TTC7B: variants seen among roughly 807,000 people sequenced by gnomAD.
TTC7B encodes tetratricopeptide repeat domain 7B.
Under a neutral mutation model 106.8 loss-of-function variants are expected in TTC7B, and 28 were observed. The observed-to-expected ratio is 0.26, with a 90% confidence interval of 0.19 to 0.36. The LOEUF (loss-of-function observed/expected upper bound fraction) is 0.36. Ranked by LOEUF, TTC7B falls within the 10% of genes least tolerant of loss-of-function variation. TTC7B has a pLI of 1.00. For synonymous variants in TTC7B, 405 were observed against 430.6 expected, an observed-to-expected ratio of 0.94 and a Z score of 0.74; for missense variants, 862 against 1,076.4, an observed-to-expected ratio of 0.80 and a Z score of 2.79.
intron 18 of TTC7B, among the ~76,000 whole-genome samples, chr14:90,584,206 A>C (rs1027333441): frequency 1.3e-5 from 2 of 152,170 alleles, no homozygotes; most frequent in Non-Finnish European, 2.9e-5. Context: ...GTGATCCTAA[A>C]AGGGCAAGCT....
intron 18 of TTC7B, among the ~76,000 whole-genome samples, chr14:90,590,668 C>G (rs1197960825): frequency 6.6e-6 from 1 of 152,186 alleles, no homozygotes; most frequent in Admixed American, 6.5e-5. Flanking sequence ...CAGTGGAGCT[C>G]AAATCACATA....
chr14:90,549,950 A>T (rs1944288014), intron 19 of TTC7B, among the ~76,000 whole-genome samples: 2 of 152,094 alleles, frequency 1.3e-5, no homozygotes, highest in South Asian at 4.1e-4. Context: ...TAAACTAGAG[A>T]TCATAAGACT....
At chr14:90,770,047 G>A (rs1464583115) in intron 3 of TTC7B, among the ~76,000 whole-genome samples, 1 of 152,170 alleles carries the variant, frequency 6.6e-6, no homozygotes, top group African/African-American at 2.4e-5. Context: ...CTACTCGGGA[G>A]GCTGAAGCAG....
intron 3 of TTC7B, among the ~76,000 whole-genome samples, chr14:90,768,786 A>G (rs1318984653): frequency 6.6e-6 from 1 of 152,228 alleles, no homozygotes; most frequent in Non-Finnish European, 1.5e-5. Flanking sequence ...AATAAAAGTG[A>G]ATACATTAGC....
chr14:90,657,738 T>C lies in TTC7B; in HGVS notation c.1237-460A>G, dbSNP rs1944692027. 3.2e-5 allele frequency: 6 copies of C among 185,108 alleles called. No homozygotes were observed. In the East Asian group the frequency reaches 8.4e-4, roughly 26 times the overall value. The allele number at this position is 185,108 out of a possible 1,614,324, so 11.5% of individuals were successfully genotyped here. A position where few individuals can be genotyped will look rare whatever the true frequency, so the allele number is the denominator to read the frequency against. ...TTGAGTGTATACACAGCAAGGAGCG[T>C]GCCTCTAAACACCTCTGGTGTAGCA... is the stretch of plus-strand genomic sequence containing the variant. On this transcript the variant is annotated intron_variant, in intron 10 of 19. Transcript: ENST00000328459. This position sits in a 1 kb window ranked among gnomAD's most constrained non-coding sequence, Gnocchi z 4.2.
At chr14:90,576,442 AAATT>A (rs1891265751) in intron 19 of TTC7B, among the ~76,000 whole-genome samples, 1 of 152,356 alleles carries the variant, frequency 6.6e-6, no homozygotes, top group Non-Finnish European at 1.5e-5. Flanking sequence ...AAGTTGGAAA[AAATT>A]AAGTAGCTGT....
chr14:90,676,655 G>A lies in TTC7B; in HGVS notation c.1020C>T (p.Asn340=). Residue 340 remains asparagine, a synonymous_variant, in exon 9 of 20, where the codon AAC becomes AAT. Coordinates refer to ENST00000328459, the MANE Select transcript of TTC7B (RefSeq NM_001010854.2). ...GTATCCTGCTCAGCACAGCGTCCCG[G>A]TTGGCCTGAAAAAACATGGAATAGA... The part of the protein sequence containing the change: ...LLLLISESMA[N]RDAVLSRIPE... 6.2e-7 allele frequency: 1 copy of A among 1,613,630 alleles called. No individual in the cohort carries two copies. Among genetic ancestry groups the A allele is most frequent in the African/African-American group, 1.3e-5 (1 of 75,018 alleles).
chr14:90,770,825 A>C, intron 3 of TTC7B, among the ~76,000 whole-genome samples: 1 of 152,240 alleles, frequency 6.6e-6, no homozygotes, highest in Non-Finnish European at 1.5e-5. Context: ...ATTGAGTCAA[A>C]ACGTGGTACA....
At chr14:90,722,576 G>A (rs140239418) in intron 5 of TTC7B, among the ~76,000 whole-genome samples, 6 of 152,256 alleles carry the variant, frequency 3.9e-5, no homozygotes, top group African/African-American at 1.4e-4. Context: ...GAAAATGGAA[G>A]GGGAAGAACA....
At chr14:90,654,821 A>G (rs112684787) in intron 12 of TTC7B, among the ~76,000 whole-genome samples, 172 bp downstream of exon 12, 81 of 152,280 alleles carry the variant, frequency 5.3e-4, no homozygotes, top group African/African-American at 1.8e-3. Context: ...CCATTCTCCC[A>G]TCAGACCAAG....
intron 15 of TTC7B, among the ~76,000 whole-genome samples, chr14:90,629,428 T>G (rs1384993463): frequency 6.6e-6 from 1 of 152,164 alleles, no homozygotes; most frequent in Non-Finnish European, 1.5e-5. Flanking sequence ...ACAGTGAAAC[T>G]TGGCAGAGTA....
In TTC7B at chr14:90,534,427, T is replaced by G. The variant is rs1417807217; in HGVS notation, c.*6941A>C. The stretch of plus-strand genomic sequence containing the variant: ...CAGGCCTCAAAGGCTTATGGTCAAG[T>G]GTGTGGCTGCTTCTGGAGTAGGCAG... On this transcript the variant is annotated 3_prime_UTR_variant, in exon 20 of 20. Coordinates refer to ENST00000328459, the MANE Select transcript of TTC7B (RefSeq NM_001010854.2). 6.6e-6 allele frequency: 1 copy of G among 152,380 alleles called. No homozygotes were observed. Among genetic ancestry groups the G allele is most frequent in the Non-Finnish European group, 1.5e-5 (1 of 68,232 alleles). 9.4% of individuals were successfully genotyped at this position (152,380 alleles called of 1,614,324 possible).
intron 4 of TTC7B, among the ~76,000 whole-genome samples, chr14:90,735,158 T>G (rs1329997620): frequency 6.6e-6 from 1 of 152,206 alleles, no homozygotes; most frequent in Non-Finnish European, 1.5e-5. Context: ...AATACATGAT[T>G]GTGCAAGTGA....
At position 90,577,986 on chromosome 14, in the gene TTC7B, C is replaced by G. The variant is rs1891325395; in HGVS notation, c.2310+120G>C. 1 of 1,258,356 alleles carries G rather than the reference C, an allele frequency of 7.9e-7. No homozygotes were observed. Among genetic ancestry groups the G allele is most frequent in the East Asian group, 2.5e-5 (1 of 39,406 alleles). The allele number at this position is 1,258,356 out of a possible 1,614,324, so 77.9% of individuals were successfully genotyped here. A position where few individuals can be genotyped will look rare whatever the true frequency, so the allele number is the denominator to read the frequency against. ...GGCTTCAGGCCATGTGACAGCCTGG[C>G]AAGCTAACTGCATGGGGCCTTTGGA... On this transcript the variant is annotated intron_variant, in intron 19 of 19. Coordinates refer to ENST00000328459, the MANE Select transcript of TTC7B (RefSeq NM_001010854.2). The surrounding 1 kb of genome is among the most constrained non-coding windows in gnomAD (Gnocchi z 5.0).
At chr14:90,645,990 C>T (rs955595411) in intron 14 of TTC7B, among the ~76,000 whole-genome samples, 10 of 152,230 alleles carry the variant, frequency 6.6e-5, no homozygotes, top group Middle Eastern at 3.4e-3. Flanking sequence ...AAGCTGTCAG[C>T]GTAGGGGAGA....
chr14:90,670,065 C>T (rs991712760), intron 9 of TTC7B, among the ~76,000 whole-genome samples: 4 of 152,056 alleles, frequency 2.6e-5, no homozygotes, highest in African/African-American at 9.7e-5. Flanking sequence ...TTCACAATAG[C>T]CAAAAGGTGG....
chr14:90,816,291 GC>G lies in TTC7B; in HGVS notation c.4del (p.Ala2ArgfsTer56). On this transcript the variant is annotated frameshift_variant, in exon 1 of 20. Transcript: ENST00000328459. LOFTEE classifies it high-confidence loss of function. M[A>X]TKKAGSRLET... ...CAGCCGCGAGCCTGCCTTCTTGGTC[GC>G]CATCGCGGCCTGGCCGGGCCCGGCC... The G allele has an allele frequency of 8.3e-7, 1 of 1,206,184 alleles. No homozygotes were observed. The highest frequency in any genetic ancestry group is 1.5e-5 in the South Asian group (1 of 68,830). 74.7% of individuals were successfully genotyped at this position (1,206,184 alleles called of 1,614,324 possible).
rs1178166709 is a variant in TTC7B, at chr14:90,524,607, C to A, written c.*16761G>T. 1 of 152,270 alleles carries A rather than the reference C, an allele frequency of 6.6e-6. No homozygotes were observed. Among genetic ancestry groups the A allele is most frequent in the Non-Finnish European group, 1.5e-5 (1 of 68,068 alleles). 9.4% of individuals were successfully genotyped at this position (152,270 alleles called of 1,614,324 possible). A position where few individuals can be genotyped will look rare whatever the true frequency, so the allele number is the denominator to read the frequency against. On this transcript the variant is annotated 3_prime_UTR_variant, in exon 20 of 20. Coordinates refer to ENST00000328459, the MANE Select transcript of TTC7B (RefSeq NM_001010854.2). ...TATTCAGGAAGAAAAAAGAAAGGGA[C>A]CTCCCCACTCTTCTCCCCACAGCCA...
Position 90,643,649 on chromosome 14 carries a change from C to A in TTC7B, c.1751+399G>T, listed in dbSNP as rs997799270. On this transcript the variant is annotated intron_variant, in intron 15 of 19. Transcript: ENST00000328459. ...CTGGAATGCAGTGCAGGGGTACAATCTCCACTGACTGCAACCTCTGCCTCC... is the reference window on the plus strand; with the variant it reads ...CTGGAATGCAGTGCAGGGGTACAATATCCACTGACTGCAACCTCTGCCTCC... Among the ~76,000 whole-genome samples the A allele has an allele frequency of 2.6e-5, 4 of 152,252 alleles. No individual in the cohort carries two copies. In the East Asian group the frequency reaches 7.8e-4, roughly 30 times the overall value.
Sources: gnomAD v4.1 joint callset for allele counts (sites outside exome capture counted in the v4.1 genomes callset) on GRCh38, gnomAD v4.1.1 for gene constraint, Gnocchi (gnomAD v3.1) non-coding constraint, MANE v1.5 for transcripts, NCBI Gene and HGNC (gene_info 2026-07-23, HGNC 2026-07-21) for gene names.